The following LEMD2 variants were observed in gnomAD, a reference collection of about 807,000 sequenced individuals.
LEMD2 encodes LEM domain nuclear envelope protein 2.
LEMD2 carries 34 observed loss-of-function variants against 58.8 expected under a neutral mutation model. The ratio of observed to expected loss-of-function variants is 0.58; its 90% CI spans 0.44 to 0.77. The LOEUF is 0.77. Among genes scored for constraint, LEMD2 ranks in the 30% least tolerant of loss-of-function variants. The pLI is 0.00. For missense variants in LEMD2, 629 were observed against 717.9 expected, an observed-to-expected ratio of 0.88 and a Z score of 1.42; for synonymous variants, 298 against 308.9, an observed-to-expected ratio of 0.96 and a Z score of 0.37.
Position 33,772,696 on chromosome 6 carries a change from C to A in LEMD2, c.1444G>T (p.Val482Phe), listed in dbSNP as rs752559627. 3.7e-6 allele frequency: 6 copies of A among 1,614,078 alleles called. No individual in the cohort carries two copies. Among genetic ancestry groups the A allele is most frequent in the Non-Finnish European group, 5.1e-6 (6 of 1,180,020 alleles). The change falls in exon 9 of 9, where the codon GTT becomes TTT. Residue 482 changes from valine to phenylalanine, a missense_variant. Physicochemically the swap from Val to Phe is conservative, Grantham distance 50 (BLOSUM62 -1). Transcript: ENST00000293760. ...CACACCAGCATGTCCTCTCCTGCAA[C>A]GCGGTGGGACTCCGTCTGGATCCGG... is the stretch of plus-strand genomic sequence containing the variant. ...ESRIQTESHR[V>F]AGEDMLVWRW...
intron 4 of LEMD2, 40 bp from the exon 5 acceptor site, chr6:33,780,219 G>A (rs1208352757): frequency 6.6e-7 from 1 of 1,512,384 alleles, no homozygotes; most frequent in South Asian, 1.2e-5. Flanking sequence ...CGGCGTCTGG[G>A]CGGAGCAGCT....
chr6:33,778,552 A>G lies in LEMD2; in HGVS notation c.1011-165T>C. 2.1e-6 allele frequency: 1 copy of G among 475,666 alleles called. No homozygotes were observed. The highest frequency in any genetic ancestry group is 5.7e-5 in the South Asian group (1 of 17,454). The allele number at this position is 475,666 out of a possible 1,614,324, so 29.5% of individuals were successfully genotyped here. ...GCTGCATTCTTTCCAGAAATTTCCC[A>G]CATTGGCTACTTAGAATGAATAAAG... On this transcript the variant is annotated intron_variant, in intron 5 of 8. Transcript: ENST00000293760. The surrounding 1 kb of genome is among the most constrained non-coding windows in gnomAD (Gnocchi z 4.7).
intron 4 of LEMD2, 44 bp downstream of exon 4, chr6:33,781,033 C>G: frequency 7.4e-7 from 1 of 1,357,698 alleles, no homozygotes; most frequent in Non-Finnish European, 1.0e-6. Flanking sequence ...AATAGGAAAG[C>G]ACCAGGCCCT....
At chr6:33,784,477 G>GGGGGGGGGGGGGGCCCCCCCC in intron 2 of LEMD2, 50 bp from the exon 3 acceptor site, 2 of 430,792 alleles carry the variant, frequency 4.6e-6, no homozygotes, top group Admixed American at 2.4e-5. Context: ...GGTGGGAGGG[G>GGGGGGGGGGGGGGCCCCCCCC]TCCGTCTGTC....
At chr6:33,781,032 G>T in intron 4 of LEMD2, 45 bp downstream of exon 4, 1 of 1,345,844 alleles carries the variant, frequency 7.4e-7, no homozygotes, top group Non-Finnish European at 1.1e-6. Flanking sequence ...CAATAGGAAA[G>T]CACCAGGCCC....
rs1400421219 is a variant in LEMD2 at position 33,778,700 on chromosome 6, T to C, written c.1011-313A>G. On this transcript the variant is annotated intron_variant, in intron 5 of 8. Coordinates refer to ENST00000293760, the MANE Select transcript of LEMD2 (RefSeq NM_181336.4). This position sits in a 1 kb window ranked among gnomAD's most constrained non-coding sequence, Gnocchi z 4.7. ...TAAATTGGATTCCCACCTCCCAGCA[T>C]AGAGAAATGGAAATGTTTACTGAAT... is the stretch of plus-strand genomic sequence containing the variant. 5 of 246,490 alleles carry C rather than the reference T, an allele frequency of 2.0e-5. No homozygotes were observed. The highest frequency in any genetic ancestry group is 4.5e-5 in the African/African-American group (2 of 44,876). 15.3% of individuals were successfully genotyped at this position (246,490 alleles called of 1,614,324 possible). A position where few individuals can be genotyped will look rare whatever the true frequency, so the allele number is the denominator to read the frequency against.
At chr6:33,772,849 A>T (rs1210975124) in intron 8 of LEMD2, 71 bp from the exon 9 acceptor site, 3 of 1,376,984 alleles carry the variant, frequency 2.2e-6, no homozygotes, top group Non-Finnish European at 2.0e-6. Context: ...CCCTCCTACA[A>T]AGGGCACACA....
intron 6 of LEMD2, among the ~76,000 whole-genome samples, chr6:33,777,719 G>A (rs1360576863): frequency 6.6e-6 from 1 of 152,180 alleles, no homozygotes; most frequent in African/African-American, 2.4e-5. Context: ...TTGGCCTTTC[G>A]CCTTCAGAGA....
At chr6:33,772,839 C>G (rs978480252) in intron 8 of LEMD2, 61 bp from the exon 9 acceptor site, 1 of 1,481,422 alleles carries the variant, frequency 6.8e-7, no homozygotes, top group Non-Finnish European at 9.2e-7. Flanking sequence ...CTGTGGATGC[C>G]CCTCCTACAA....
chr6:33,776,836 TG>T, intron 8 of LEMD2, 117 bp downstream of exon 8: 2 of 784,250 alleles, frequency 2.6e-6, no homozygotes, highest in South Asian at 1.5e-5. Flanking sequence ...CTCTTGGCCC[TG>T]GGGTCTGCAC....
Position 33,788,372 on chromosome 6 carries a change from AG to A in LEMD2, c.736+8del. The A allele has an allele frequency of 6.4e-7, 1 of 1,563,292 alleles. No individual in the cohort carries two copies. The highest frequency in any genetic ancestry group is 8.6e-7 in the Non-Finnish European group (1 of 1,156,634). The stretch of plus-strand genomic sequence containing the variant: ...CCAGGGCCCTCCCCTGCGCCGGCCC[AG>A]GACGTACTGTTGTCCTCCGCCTCCT... On this transcript the variant is annotated splice_region_variant and intron_variant, in intron 1 of 8. Coordinates refer to ENST00000293760, the MANE Select transcript of LEMD2 (RefSeq NM_181336.4).
chr6:33,782,268 T>C (rs967278968), intron 3 of LEMD2: 4 of 152,276 alleles, frequency 2.6e-5, no homozygotes, highest in Non-Finnish European at 5.9e-5. Context: ...CACTTGAAAA[T>C]GATTCTGCTT....
At chr6:33,776,629 T>G (rs1767435625) in intron 8 of LEMD2, 2 of 367,256 alleles carry the variant, frequency 5.4e-6, no homozygotes, top group Non-Finnish European at 1.0e-5. Context: ...TTACAGAGAC[T>G]GAGGAGATCC....
Position 33,788,913 on chromosome 6 carries a change from T to C in LEMD2, c.204A>G (p.Leu68=). The change falls in exon 1 of 9, where the codon TTA becomes TTG. Residue 68 remains leucine (L), a synonymous_variant. Transcript: ENST00000293760. ...GGGCGCGCAGCGGCGCATCCTCGCG[T>C]AACCGGGCCTCTTCCCGTAACCGCT... ...GEERLREEAR[L]REDAPLRARP... 6.9e-7 allele frequency: 1 copy of C among 1,452,094 alleles called. No individual in the cohort carries two copies. The highest frequency in any genetic ancestry group is 9.0e-7 in the Non-Finnish European group (1 of 1,108,574). The allele number at this position is 1,452,094 out of a possible 1,614,324, so 90.0% of individuals were successfully genotyped here.
intron 1 of LEMD2, chr6:33,787,043 A>C: frequency 1.9e-6 from 1 of 522,674 alleles, no homozygotes; most frequent in Non-Finnish European, 3.2e-6. Context: ...ACCACTCTGA[A>C]CCTCTGTCTC....
At chr6:33,784,659 G>A (rs2127382454) in intron 2 of LEMD2, 2 of 477,356 alleles carry the variant, frequency 4.2e-6, no homozygotes, top group African/African-American at 3.9e-5. Context: ...GCTGAAAGCA[G>A]ACACTGTAAC....
intron 8 of LEMD2, among the ~76,000 whole-genome samples, chr6:33,773,543 G>C (rs1396661897): frequency 6.7e-6 from 1 of 149,028 alleles, no homozygotes. Flanking sequence ...GAGTGTGTAC[G>C]CATGGGAGCA....
intron 8 of LEMD2, chr6:33,776,499 G>C (rs1012512908): frequency 5.4e-6 from 1 of 183,772 alleles, no homozygotes; most frequent in African/African-American, 2.3e-5. Flanking sequence ...GCAACCATGA[G>C]GGACCCCAGT....
intron 6 of LEMD2, among the ~76,000 whole-genome samples, 173 bp from the exon 7 acceptor site, chr6:33,777,412 G>C (rs770434946): frequency 6.6e-6 from 1 of 152,186 alleles, no homozygotes; most frequent in Non-Finnish European, 1.5e-5. Flanking sequence ...GAAATGCAGA[G>C]GGACGACAGA....
Sources: gnomAD v4.1 joint callset for allele counts (sites outside exome capture counted in the v4.1 genomes callset) on GRCh38, gnomAD v4.1.1 for gene constraint, Gnocchi (gnomAD v3.1) non-coding constraint, MANE v1.5 for transcripts, NCBI Gene and HGNC (gene_info 2026-07-23, HGNC 2026-07-21) for gene names.